The following PHF14 variants were observed in gnomAD, a reference collection of about 807,000 sequenced individuals.
PHF14 encodes PHD finger protein 14.
PHF14 carries 55 observed loss-of-function variants against 117.9 expected under a neutral mutation model. That is an observed-to-expected ratio of 0.47 (90% CI 0.38 to 0.58). The LOEUF (loss-of-function observed/expected upper bound fraction) is 0.58. PHF14 is among the 20% of genes least tolerant of loss of function. PHF14 has a pLI of 0.00. For missense variants in PHF14, 978 were observed against 1,122.2 expected (o/e 0.87, Z 1.84); for synonymous variants, 409 against 368.6 (o/e 1.11, Z -1.26).
At chr7:10,977,986 C>G (rs1640699) in intron 2 of PHF14, among the ~76,000 whole-genome samples, 82,987 of 151,690 alleles carry the variant, frequency 0.55, 22,997 homozygotes, top group Middle Eastern at 0.58. Flanking sequence ...ACATGTATTA[C>G]TTCTATTAAC....
chr7:11,042,856 C>T (rs766781052), intron 13 of PHF14, 42 bp downstream of exon 13: 7 of 1,374,626 alleles, frequency 5.1e-6, no homozygotes, highest in Non-Finnish European at 7.0e-6. Flanking sequence ...AATTGATTTA[C>T]TCTTAGTTTC....
chr7:11,034,539 A>ATTTTTTTTTTTT (rs56043099), intron 7 of PHF14, among the ~76,000 whole-genome samples: 3 of 63,096 alleles, frequency 4.8e-5, no homozygotes, highest in Non-Finnish European at 8.2e-5. Flanking sequence ...TCTTAATTCT[A>ATTTTTTTTTTTT]TTTTTTTTTT....
intron 16 of PHF14, among the ~76,000 whole-genome samples, chr7:11,099,869 C>T (rs1349171222): frequency 1.3e-5 from 2 of 152,132 alleles, no homozygotes; most frequent in East Asian, 1.9e-4. Flanking sequence ...GATTTATCTG[C>T]CTAGCATCAC....
intron 16 of PHF14, among the ~76,000 whole-genome samples, chr7:11,086,808 T>G (rs1161535804): frequency 6.6e-6 from 1 of 152,170 alleles, no homozygotes; most frequent in Non-Finnish European, 1.5e-5. Context: ...GTATAGTAAT[T>G]TAATTCATTG....
chr7:11,133,810 T>C (rs1247465463), intron 17 of PHF14, among the ~76,000 whole-genome samples: 1 of 152,040 alleles, frequency 6.6e-6, no homozygotes, highest in African/African-American at 2.4e-5. Context: ...TCCTCCTGGA[T>C]GCTTATCTAC....
intron 17 of PHF14, among the ~76,000 whole-genome samples, chr7:11,164,903 C>G (rs1251947325): frequency 8.5e-5 from 13 of 152,144 alleles, no homozygotes; most frequent in Admixed American, 8.5e-4. Flanking sequence ...GTGATAGTTC[C>G]AAGTCTTGTC....
intron 17 of PHF14, among the ~76,000 whole-genome samples, chr7:11,131,967 A>T (rs188764733): frequency 2.6e-3 from 398 of 151,834 alleles, no homozygotes; most frequent in African/African-American, 9.0e-3. Context: ...GGGTTTTTTT[A>T]AAAATTTTTT....
chr7:10,987,168 T>G (rs1236648037), intron 3 of PHF14, among the ~76,000 whole-genome samples: 6 of 152,166 alleles, frequency 3.9e-5, no homozygotes. Flanking sequence ...AACAAATTGC[T>G]CTGAGTCCTA....
chr7:11,071,044 A>T (rs1785598523), intron 16 of PHF14, among the ~76,000 whole-genome samples: 1 of 152,202 alleles, frequency 6.6e-6, no homozygotes, highest in Non-Finnish European at 1.5e-5. Context: ...GTGGTTTTTG[A>T]TTAACTGATA....
In PHF14 at chr7:11,062,036, A is replaced by G; in HGVS notation, c.2605A>G (p.Thr869Ala). ...GAAGCCCAAGGCTGAAGATTTAAGAACTGAATGTGCAACTTGCAAGGGAAC... is the reference window on the plus strand; with the variant it reads ...GAAGCCCAAGGCTGAAGATTTAAGAGCTGAATGTGCAACTTGCAAGGGAAC... Reference protein sequence around the residue: ...QKKPKAEDLRTECATCKGTGD... With the variant: ...QKKPKAEDLRAECATCKGTGD... Residue 869 changes from threonine to alanine, a missense_variant, in exon 16 of 18, where the codon ACT (threonine) becomes GCT (alanine). Physicochemically the swap from Thr to Ala is moderately conservative, Grantham distance 58 (BLOSUM62 0). Coordinates refer to ENST00000634607, the MANE Select transcript of PHF14 (RefSeq NM_001007157.2). 1 of 1,607,856 alleles carries G rather than the reference A, an allele frequency of 6.2e-7. No homozygotes were observed. Among genetic ancestry groups the G allele is most frequent in the South Asian group, 1.1e-5 (1 of 89,624 alleles).
intron 16 of PHF14, among the ~76,000 whole-genome samples, chr7:11,089,417 A>G (rs374458038): frequency 6.6e-6 from 1 of 152,150 alleles, no homozygotes; most frequent in Non-Finnish European, 1.5e-5. Context: ...TCAGCTGGGC[A>G]TGGTGGCTCA....
intron 17 of PHF14, among the ~76,000 whole-genome samples, chr7:11,120,478 C>T (rs1202966986): frequency 6.6e-6 from 1 of 151,940 alleles, no homozygotes; most frequent in Non-Finnish European, 1.5e-5. Context: ...GAAAATCTTT[C>T]CTGTCTCAGA....
At chr7:11,129,281 G>T (rs946076667) in intron 17 of PHF14, among the ~76,000 whole-genome samples, 1 of 152,020 alleles carries the variant, frequency 6.6e-6, no homozygotes, top group Non-Finnish European at 1.5e-5. Context: ...TAAATTTCTG[G>T]CAGCCATGAC....
intron 16 of PHF14, among the ~76,000 whole-genome samples, chr7:11,092,380 AT>A (rs1402210770): frequency 8.5e-5 from 13 of 152,202 alleles, no homozygotes; most frequent in African/African-American, 2.9e-4. Context: ...TTCCCAAGTG[AT>A]ACAGATATTA....
intron 17 of PHF14, among the ~76,000 whole-genome samples, chr7:11,163,217 C>G (rs1789101216): frequency 6.6e-6 from 1 of 152,042 alleles, no homozygotes; most frequent in African/African-American, 2.4e-5. Flanking sequence ...CTAAGAACAT[C>G]CCAAGTGACT....
chr7:11,099,928 C>T (rs976488601), intron 16 of PHF14, among the ~76,000 whole-genome samples: 3 of 152,054 alleles, frequency 2.0e-5, no homozygotes, highest in African/African-American at 7.2e-5. Context: ...CTGTGAGCCC[C>T]TTCCTCCCTC....
chr7:10,992,385 G>C (rs532639097), intron 4 of PHF14, among the ~76,000 whole-genome samples: 1 of 151,098 alleles, frequency 6.6e-6, no homozygotes, highest in Non-Finnish European at 1.5e-5. Flanking sequence ...GCAAAGGGCC[G>C]GGTGCAGTGG....
intron 16 of PHF14, among the ~76,000 whole-genome samples, chr7:11,087,185 C>G (rs999448909): frequency 7.1e-6 from 1 of 141,110 alleles, no homozygotes; most frequent in African/African-American, 2.7e-5. Context: ...ATAGAAAGCA[C>G]TGCCCTTCTT....
intron 17 of PHF14, among the ~76,000 whole-genome samples, chr7:11,161,923 T>C (rs1789048530): frequency 6.6e-6 from 1 of 150,838 alleles, no homozygotes; most frequent in East Asian, 1.9e-4. Flanking sequence ...ATTAGTAGTT[T>C]ACTACCTGAA....
Sources: gnomAD v4.1 joint callset for allele counts (sites outside exome capture counted in the v4.1 genomes callset) on GRCh38, gnomAD v4.1.1 for gene constraint, MANE v1.5 for transcripts, NCBI Gene and HGNC (gene_info 2026-07-23, HGNC 2026-07-21) for gene names.